ATP8B4: variants seen among roughly 807,000 people sequenced by gnomAD.
The protein encoded by ATP8B4 is probable phospholipid-transporting ATPase IM.
A neutral mutation model predicts 145.6 loss-of-function variants in ATP8B4; 133 were observed. The observed-to-expected ratio is 0.91, with a 90% CI of 0.79 to 1.05. ATP8B4 has a LOEUF of 1.05. Among genes scored for constraint, ATP8B4 ranks in the 50% least tolerant of loss-of-function variants. ATP8B4 has a pLI of 0.00. For synonymous variants in ATP8B4, 507 were observed against 492.9 expected (o/e 1.03, Z -0.38); for missense variants, 1,458 against 1,425.2 (o/e 1.02, Z -0.37).
At chr15:50,045,689 C>T (rs2051659134) in intron 4 of ATP8B4, among the ~76,000 whole-genome samples, 1 of 152,168 alleles carries the variant, frequency 6.6e-6, no homozygotes, top group East Asian at 1.9e-4. Context: ...CCTAGTTCAT[C>T]ATCAACTCAT....
At chr15:50,037,927 C>T (rs1245365219) in intron 6 of ATP8B4, among the ~76,000 whole-genome samples, 3 of 152,070 alleles carry the variant, frequency 2.0e-5, no homozygotes, top group Admixed American at 2.0e-4. Context: ...GCTACCTAGC[C>T]CCTCTTGATA....
intron 7 of ATP8B4, among the ~76,000 whole-genome samples, chr15:50,003,229 G>C (rs941940227): frequency 2.0e-5 from 3 of 150,824 alleles, no homozygotes; most frequent in African/African-American, 4.9e-5. Flanking sequence ...TTACTTTCTT[G>C]ATTGTCTCAA....
chr15:50,032,078 A>G (rs974052291), intron 6 of ATP8B4, among the ~76,000 whole-genome samples: 4 of 152,232 alleles, frequency 2.6e-5, no homozygotes, highest in Non-Finnish European at 1.5e-5. Context: ...CAGGTTTGTT[A>G]CATAGGTATA....
chr15:50,039,253 G>A (rs1320830392), intron 5 of ATP8B4, among the ~76,000 whole-genome samples: 1 of 152,184 alleles, frequency 6.6e-6, no homozygotes, highest in Non-Finnish European at 1.5e-5. Context: ...TTTCTTTGAA[G>A]TCAAGAAGTT....
intron 25 of ATP8B4, among the ~76,000 whole-genome samples, chr15:49,871,021 T>A (rs1263055447): frequency 6.6e-6 from 1 of 152,238 alleles, no homozygotes; most frequent in Non-Finnish European, 1.5e-5. Context: ...ACTATGTGAC[T>A]GGGGAGGCCC....
At chr15:49,912,037 CT>C (rs1446890102) in intron 20 of ATP8B4, among the ~76,000 whole-genome samples, 8 of 151,872 alleles carry the variant, frequency 5.3e-5, no homozygotes, top group African/African-American at 1.7e-4. Context: ...AAAAGCACTG[CT>C]AAGAGAGAAT....
At chr15:50,082,195 G>A (rs547979867) in intron 2 of ATP8B4, among the ~76,000 whole-genome samples, 9 of 152,308 alleles carry the variant, frequency 5.9e-5, no homozygotes, top group Admixed American at 4.6e-4. Context: ...CAATGAGTGG[G>A]GAGAGCTTTA....
intron 3 of ATP8B4, among the ~76,000 whole-genome samples, chr15:50,067,934 A>G (rs1199200055): frequency 1.3e-5 from 2 of 152,220 alleles, no homozygotes; most frequent in African/African-American, 2.4e-5. Flanking sequence ...TGTGAATATT[A>G]AATTCTGAAA....
intron 2 of ATP8B4, among the ~76,000 whole-genome samples, chr15:50,076,816 A>G (rs899845709): frequency 6.6e-6 from 1 of 152,236 alleles, no homozygotes; most frequent in African/African-American, 2.4e-5. Flanking sequence ...AAGTTCTGCA[A>G]AATACTGGCT....
intron 1 of ATP8B4, among the ~76,000 whole-genome samples, chr15:50,143,873 C>T (rs927201632): frequency 7.2e-5 from 11 of 152,126 alleles, no homozygotes; most frequent in African/African-American, 2.7e-4. Context: ...AAAATACAGG[C>T]CTACGTTGTA....
chr15:49,927,595 A>T (rs570648067), intron 16 of ATP8B4, among the ~76,000 whole-genome samples: 1 of 152,280 alleles, frequency 6.6e-6, no homozygotes, highest in Non-Finnish European at 1.5e-5. Flanking sequence ...TAAGGCAAAC[A>T]TCTGATGTTT....
chr15:50,137,532 A>C (rs2044139261), intron 1 of ATP8B4, among the ~76,000 whole-genome samples: 1 of 152,212 alleles, frequency 6.6e-6, no homozygotes, highest in African/African-American at 2.4e-5. Flanking sequence ...ATTTTGCTTC[A>C]GTTATTGGAA....
At chr15:49,982,279 A>G (rs73398877) in intron 10 of ATP8B4, among the ~76,000 whole-genome samples, 1,703 of 152,322 alleles carry the variant, frequency 0.011, 36 homozygotes, top group African/African-American at 0.039. Flanking sequence ...TTGAGGTTTC[A>G]TAACAATTCA....
At chr15:50,108,910 C>G (rs1482208981) in intron 1 of ATP8B4, among the ~76,000 whole-genome samples, 1 of 152,178 alleles carries the variant, frequency 6.6e-6, no homozygotes, top group African/African-American at 2.4e-5. Flanking sequence ...GCTCAGTAAA[C>G]ACTTGTTGAA....
chr15:50,181,785 G>A lies in ATP8B4; in HGVS notation c.-43+476C>T, dbSNP rs149054707. Reference sequence around the variant, plus strand: ...GCGGAAAGCCCTTGGGACCAGGAAGGAGAGATGAGATTCTGGTTTGGCAGT... The same window carrying A: ...GCGGAAAGCCCTTGGGACCAGGAAGAAGAGATGAGATTCTGGTTTGGCAGT... On this transcript the variant is annotated intron_variant, in intron 1 of 3. Coordinates refer to the ATP8B4 transcript ENST00000558829. Among the ~76,000 whole-genome samples the A allele has an allele frequency of 2.6e-5, 4 of 152,294 alleles. No homozygotes were observed. In the East Asian group the frequency reaches 7.7e-4, roughly 29 times the overall value.
intron 14 of ATP8B4, among the ~76,000 whole-genome samples, chr15:49,940,633 G>A (rs2042095599): frequency 6.6e-6 from 1 of 152,106 alleles, no homozygotes; most frequent in African/African-American, 2.4e-5. Flanking sequence ...AAGACTCTAA[G>A]GAGTACCATA....
intron 3 of ATP8B4, among the ~76,000 whole-genome samples, chr15:50,073,049 C>CACACAT (rs2053952567): frequency 2.3e-5 from 3 of 129,156 alleles, no homozygotes; most frequent in African/African-American, 9.0e-5. Context: ...CACACACACA[C>CACACAT]ACACTATACA....
At chr15:49,924,241 A>T (rs945264419) in intron 16 of ATP8B4, among the ~76,000 whole-genome samples, 1 of 152,126 alleles carries the variant, frequency 6.6e-6, no homozygotes, top group African/African-American at 2.4e-5. Flanking sequence ...GCTTTCTTTC[A>T]AACCACAGAA....
chr15:50,045,969 T>C (rs2051685390), intron 4 of ATP8B4, among the ~76,000 whole-genome samples: 1 of 152,184 alleles, frequency 6.6e-6, no homozygotes, highest in Non-Finnish European at 1.5e-5. Flanking sequence ...AATAGTAAGA[T>C]GTTTATTCAT....
Sources: allele counts gnomAD v4.1 joint callset (sites outside exome capture counted in the v4.1 genomes callset), GRCh38; gene constraint gnomAD v4.1.1; transcripts MANE v1.5; gene names NCBI Gene and HGNC (gene_info 2026-07-23, HGNC 2026-07-21).